DPYSL5: variants seen among roughly 807,000 people sequenced by gnomAD.
DPYSL5 encodes the protein dihydropyrimidinase like 5, also known as dihydropyrimidinase-related protein 5.
DPYSL5 carries 9 observed loss-of-function variants against 58.4 expected under a neutral mutation model. The ratio of observed to expected loss-of-function variants is 0.15; its 90% CI spans 0.09 to 0.27. The LOEUF (loss-of-function observed/expected upper bound fraction) is 0.27. DPYSL5 is among the 10% of genes least tolerant of loss of function. The probability of loss-of-function intolerance (pLI) is 1.00; values close to 1 mark genes in which losing one functional copy is unlikely to be tolerated. For missense variants in DPYSL5, 499 were observed against 770.6 expected (o/e 0.65, Z 4.17); for synonymous variants, 293 against 301.9 (o/e 0.97, Z 0.31).
chr2:26,931,550 G>A (rs1358426776), intron 5 of DPYSL5, 90 bp from the exon 6 acceptor site: 1 of 1,524,956 alleles, frequency 6.6e-7, no homozygotes, highest in Non-Finnish European at 9.0e-7. Flanking sequence ...CCCTATGGGT[G>A]CAGTTGCTCC....
At chr2:26,937,301 G>A (rs1432951457) in intron 8 of DPYSL5, among the ~76,000 whole-genome samples, 1 of 152,042 alleles carries the variant, frequency 6.6e-6, no homozygotes, top group Non-Finnish European at 1.5e-5. Flanking sequence ...TTTGTGTTAT[G>A]ATAATAGTCT....
At chr2:26,880,571 A>C (rs1215567371) in intron 1 of DPYSL5, among the ~76,000 whole-genome samples, 1 of 152,046 alleles carries the variant, frequency 6.6e-6, no homozygotes, top group African/African-American at 2.4e-5. Flanking sequence ...TTCCTCTCTC[A>C]GCCCCAAGGT....
chr2:26,945,759 C>T (rs573204537), intron 12 of DPYSL5, among the ~76,000 whole-genome samples: 1 of 152,344 alleles, frequency 6.6e-6, no homozygotes, highest in Admixed American at 6.5e-5. Context: ...GCGAGAGGCG[C>T]AAGACCCTGG....
In DPYSL5 at chr2:26,931,723, C is replaced by T. The variant is rs759823319; in HGVS notation, c.714+39C>T. The T allele has an allele frequency of 1.4e-4, 218 of 1,610,712 alleles. 2 individuals carry two copies. The East Asian group carries it at 4.7e-3, about 34-fold the overall frequency. On this transcript the variant is annotated intron_variant, in intron 6 of 12. Coordinates refer to ENST00000288699, the MANE Select transcript of DPYSL5 (RefSeq NM_020134.4). ...TGTCCACTGTGGGATTAGAAACCAA[C>T]CTTGGCCAGGCACGGTGCTGATGTC... is the stretch of plus-strand genomic sequence containing the variant.
At chr2:26,865,856 C>T (rs1666127196) in intron 1 of DPYSL5, among the ~76,000 whole-genome samples, 1 of 152,190 alleles carries the variant, frequency 6.6e-6, no homozygotes, top group Admixed American at 6.5e-5. Context: ...ACACAGATAT[C>T]TGTAACACAC....
chr2:26,901,319 G>A (rs1049094519), intron 2 of DPYSL5, among the ~76,000 whole-genome samples: 5 of 152,090 alleles, frequency 3.3e-5, no homozygotes, highest in African/African-American at 9.7e-5. Context: ...AGCCTCTGTC[G>A]TGGTGGCCTC....
intron 2 of DPYSL5, among the ~76,000 whole-genome samples, chr2:26,908,825 T>A (rs1196858606): frequency 6.6e-6 from 1 of 152,254 alleles, no homozygotes; most frequent in Non-Finnish European, 1.5e-5. Flanking sequence ...ATATACTGTA[T>A]GTGCACTTCA....
At chr2:26,882,090 C>CAAAAAAA (rs752138649) in intron 1 of DPYSL5, among the ~76,000 whole-genome samples, 10 of 41,038 alleles carry the variant, frequency 2.4e-4, no homozygotes, top group East Asian at 7.6e-4. Flanking sequence ...GACTCCATCT[C>CAAAAAAA]AAAAAAAAAA....
At chr2:26,919,424 G>T (rs938488814) in intron 2 of DPYSL5, among the ~76,000 whole-genome samples, 1 of 152,146 alleles carries the variant, frequency 6.6e-6, no homozygotes, top group Non-Finnish European at 1.5e-5. Context: ...TGTTATAAAT[G>T]TCAAAAACAA....
intron 1 of DPYSL5, among the ~76,000 whole-genome samples, chr2:26,888,217 C>CTT (rs1240257841): frequency 0.01 from 894 of 86,896 alleles, 10 homozygotes; most frequent in African/African-American, 0.037. Flanking sequence ...TCTTTTCTTT[C>CTT]TTTCTTTCTT....
intron 2 of DPYSL5, among the ~76,000 whole-genome samples, chr2:26,913,428 C>T (rs1009509448): frequency 4.6e-5 from 7 of 152,274 alleles, no homozygotes; most frequent in Non-Finnish European, 1.0e-4. Context: ...CATGTTGCAG[C>T]GGGTGTCAGA....
chr2:26,858,070 C>G (rs184799849), intron 1 of DPYSL5, among the ~76,000 whole-genome samples: 3 of 152,172 alleles, frequency 2.0e-5, no homozygotes, highest in Non-Finnish European at 4.4e-5. Context: ...GTGATCCATT[C>G]ACAGCCCAAA....
chr2:26,918,164 C>G (rs1221991593), intron 2 of DPYSL5, among the ~76,000 whole-genome samples: 2 of 117,532 alleles, frequency 1.7e-5, no homozygotes, highest in Admixed American at 9.2e-5. Context: ...AAAAAAAAAG[C>G]AAGTGCAGAG....
At chr2:26,853,134 T>C (rs1417984496) in intron 1 of DPYSL5, among the ~76,000 whole-genome samples, 1 of 152,220 alleles carries the variant, frequency 6.6e-6, no homozygotes, top group Non-Finnish European at 1.5e-5. Flanking sequence ...CAGCTGTTTT[T>C]AGCAGCTGAG....
chr2:26,941,022 C>T (rs1229728554), intron 9 of DPYSL5, among the ~76,000 whole-genome samples: 2 of 151,604 alleles, frequency 1.3e-5, no homozygotes, highest in Non-Finnish European at 2.9e-5. Context: ...CTGCAACCTC[C>T]GCCTCCCGGG....
At chr2:26,945,593 G>T (rs768898726) in intron 12 of DPYSL5, among the ~76,000 whole-genome samples, 1 of 149,286 alleles carries the variant, frequency 6.7e-6, no homozygotes, top group Non-Finnish European at 1.5e-5. Context: ...GCTGTAAGAT[G>T]CCTCGGGCCT....
chr2:26,903,452 A>G (rs1183291724), intron 2 of DPYSL5, among the ~76,000 whole-genome samples: 2 of 152,174 alleles, frequency 1.3e-5, no homozygotes, highest in African/African-American at 4.8e-5. Flanking sequence ...CCTTTCCTGG[A>G]ACAAAACCAC....
chr2:26,863,295 C>T (rs972159251), intron 1 of DPYSL5, among the ~76,000 whole-genome samples: 2 of 152,218 alleles, frequency 1.3e-5, no homozygotes, highest in South Asian at 4.1e-4. Context: ...CATCCTCCCC[C>T]TTTAAGCTGG....
At chr2:26,936,367 A>C (rs1011623871) in intron 8 of DPYSL5, among the ~76,000 whole-genome samples, 2 of 152,140 alleles carry the variant, frequency 1.3e-5, no homozygotes, top group Non-Finnish European at 2.9e-5. Context: ...GTTGCCAACC[A>C]CTGGAAAACT....
Sources: gnomAD v4.1 joint callset for allele counts (sites outside exome capture counted in the v4.1 genomes callset) on GRCh38, gnomAD v4.1.1 for gene constraint, MANE v1.5 for transcripts, NCBI Gene and HGNC (gene_info 2026-07-23, HGNC 2026-07-21) for gene names.